The following RPRD1B variants were observed in gnomAD, a reference collection of about 807,000 sequenced individuals.
The protein encoded by RPRD1B is regulation of nuclear pre-mRNA domain-containing protein 1B.
Under a neutral mutation model 41.5 loss-of-function variants are expected in RPRD1B, and 11 were observed. The observed-to-expected ratio is 0.27, with a 90% CI of 0.17 to 0.44. The LOEUF is 0.44. Ranked by LOEUF, RPRD1B falls within the 20% of genes least tolerant of loss-of-function variation. The pLI is 1.00. For missense variants in RPRD1B, 248 were observed against 389.9 expected (o/e 0.64, Z 3.06); for synonymous variants, 158 against 155.6 (o/e 1.02, Z -0.12).
chr20:38,082,468 G>T lies in RPRD1B; in HGVS notation c.832-7258G>T, dbSNP rs554533719. On this transcript the variant is annotated intron_variant, in intron 6 of 6. Transcript: ENST00000373433. ...GTGGCGCCATCTCGGCTCAGTGCAA[G>T]CCCCGCCTCCCAGATTCACACCATT... Among the ~76,000 whole-genome samples, 3 of 152,224 alleles carry T rather than the reference G, an allele frequency of 2.0e-5. No homozygotes were observed. In the East Asian group the frequency reaches 5.8e-4, roughly 29 times the overall value.
At chr20:38,078,047 A>C (rs1329998946) in intron 6 of RPRD1B, among the ~76,000 whole-genome samples, 2 of 151,886 alleles carry the variant, frequency 1.3e-5, no homozygotes, top group Non-Finnish European at 2.9e-5. Flanking sequence ...ATCGTGGTTC[A>C]TGCCCAGCTA....
At position 38,070,733 on chromosome 20, in the gene RPRD1B, CTG is replaced by C. The variant is rs980050674; in HGVS notation, c.831+4480_831+4481del. 1.1e-5 allele frequency: 11 copies of C among 956,830 alleles called. No individual in the cohort carries two copies. In the South Asian group the frequency reaches 1.5e-4, roughly 13 times the overall value. 59.3% of individuals were successfully genotyped at this position (956,830 alleles called of 1,614,324 possible). A position where few individuals can be genotyped will look rare whatever the true frequency, so the allele number is the denominator to read the frequency against. ...GGAACCTGCAGTTTTCCCTTCTTAA[CTG>C]TGATTTTTTTTTTTTTTTTTTTGAG... On this transcript the variant is annotated intron_variant, in intron 6 of 6. Coordinates refer to ENST00000373433, the MANE Select transcript of RPRD1B (RefSeq NM_021215.4).
chr20:38,049,036 G>A (rs1031471041), intron 3 of RPRD1B, among the ~76,000 whole-genome samples: 2 of 152,130 alleles, frequency 1.3e-5, no homozygotes, highest in South Asian at 2.1e-4. Context: ...TGCAACCTCC[G>A]CCTCCTGGGT....
intron 1 of RPRD1B, among the ~76,000 whole-genome samples, chr20:38,038,858 T>G (rs2074033858): frequency 6.6e-6 from 1 of 152,206 alleles, no homozygotes; most frequent in Non-Finnish European, 1.5e-5. Context: ...ATATCAATGC[T>G]TTGTACATTT....
At chr20:38,088,703 T>C (rs1162838911) in intron 6 of RPRD1B, among the ~76,000 whole-genome samples, 3 of 152,196 alleles carry the variant, frequency 2.0e-5, no homozygotes, top group Non-Finnish European at 4.4e-5. Flanking sequence ...ATTCCTATCA[T>C]TAGGGGATTC....
Position 38,048,491 on chromosome 20 carries a change from TCAC to T in RPRD1B, c.415+14_415+16del. 6.3e-7 allele frequency: 1 copy of T among 1,596,044 alleles called. No individual in the cohort carries two copies. The highest frequency in any genetic ancestry group is 8.6e-7 in the Non-Finnish European group (1 of 1,166,768). On this transcript the variant is annotated intron_variant, in intron 3 of 6. Coordinates refer to ENST00000373433, the MANE Select transcript of RPRD1B (RefSeq NM_021215.4). ...AGCCCTCCCCCCAAAGGTAGAAACATCACCACATGTTTACAGCTCTTGGTCTTT... is the reference window on the plus strand; with the variant it reads ...AGCCCTCCCCCCAAAGGTAGAAACATCACATGTTTACAGCTCTTGGTCTTT...
chr20:38,076,268 T>C (rs1358519198), intron 6 of RPRD1B, among the ~76,000 whole-genome samples: 2 of 152,204 alleles, frequency 1.3e-5, no homozygotes, highest in Non-Finnish European at 2.9e-5. Flanking sequence ...CCAGTGGTCC[T>C]CCCAGCGTTT....
At chr20:38,066,387 C>T in intron 6 of RPRD1B, 131 bp downstream of exon 6, 2 of 841,216 alleles carry the variant, frequency 2.4e-6, no homozygotes, top group Non-Finnish European at 1.8e-6. Context: ...TTCTGAACAT[C>T]CATCAGATAC....
chr20:38,039,668 T>C (rs915293712), intron 1 of RPRD1B, among the ~76,000 whole-genome samples: 5 of 151,352 alleles, frequency 3.3e-5, no homozygotes, highest in Non-Finnish European at 1.5e-5. Flanking sequence ...CCTCCAAAAG[T>C]GCTGGGATGA....
chr20:38,070,238 A>C (rs1198191510), intron 6 of RPRD1B: 1 of 985,018 alleles, frequency 1.0e-6, no homozygotes, highest in Non-Finnish European at 1.2e-6. Flanking sequence ...GTCATGATTG[A>C]CTTTGGCCTA....
intron 6 of RPRD1B, among the ~76,000 whole-genome samples, chr20:38,082,817 A>AT (rs1042949216): frequency 4.6e-5 from 7 of 151,958 alleles, no homozygotes; most frequent in African/African-American, 7.3e-5. Context: ...AGGAATTGAA[A>AT]TTTTTTTTTA....
At chr20:38,061,504 A>G (rs1233622985) in intron 5 of RPRD1B, among the ~76,000 whole-genome samples, 1 of 152,088 alleles carries the variant, frequency 6.6e-6, no homozygotes, top group Non-Finnish European at 1.5e-5. Context: ...TGCTCCAACA[A>G]TGCTCCCTCT....
At chr20:38,044,907 CCTG>C (rs2074106003) in intron 2 of RPRD1B, among the ~76,000 whole-genome samples, 1 of 151,954 alleles carries the variant, frequency 6.6e-6, no homozygotes, top group Non-Finnish European at 1.5e-5. Flanking sequence ...CTACCATAGG[CCTG>C]CTGTGCATGA....
chr20:38,038,148 T>C (rs1295411609), intron 1 of RPRD1B, among the ~76,000 whole-genome samples: 1 of 152,228 alleles, frequency 6.6e-6, no homozygotes, highest in African/African-American at 2.4e-5. Flanking sequence ...AGTATTCTTA[T>C]CAGTTGGCCA....
chr20:38,069,673 T>C (rs1003067507), intron 6 of RPRD1B, among the ~76,000 whole-genome samples: 1 of 152,220 alleles, frequency 6.6e-6, no homozygotes, highest in African/African-American at 2.4e-5. Context: ...AAAGGGCTTA[T>C]GCTCTAGTCA....
intron 6 of RPRD1B, among the ~76,000 whole-genome samples, chr20:38,081,516 C>T (rs1051713323): frequency 1.3e-5 from 2 of 152,174 alleles, no homozygotes; most frequent in Non-Finnish European, 2.9e-5. Context: ...GTTTGACTTC[C>T]TCTCTTCCTA....
At chr20:38,040,606 C>G (rs375133317) in intron 2 of RPRD1B, 42 bp downstream of exon 2, 3 of 1,572,204 alleles carry the variant, frequency 1.9e-6, no homozygotes, top group Non-Finnish European at 2.6e-6. Flanking sequence ...AATTCATTGC[C>G]TTTCCCACCT....
intron 6 of RPRD1B, among the ~76,000 whole-genome samples, chr20:38,068,350 TA>T (rs1440923050): frequency 6.6e-6 from 1 of 152,114 alleles, no homozygotes; most frequent in African/African-American, 2.4e-5. Context: ...TTGTAAAAAA[TA>T]GAGCCGATTT....
chr20:38,068,771 C>G (rs558289876), intron 6 of RPRD1B, among the ~76,000 whole-genome samples: 1 of 152,200 alleles, frequency 6.6e-6, no homozygotes, highest in African/African-American at 2.4e-5. Context: ...TAGACTGGTC[C>G]TGTCCCATCA....
Sources: gnomAD v4.1 joint callset for allele counts (sites outside exome capture counted in the v4.1 genomes callset) on GRCh38, gnomAD v4.1.1 for gene constraint, MANE v1.5 for transcripts, NCBI Gene and HGNC (gene_info 2026-07-23, HGNC 2026-07-21) for gene names.